CUX1: variants seen among roughly 807,000 people sequenced by gnomAD.
The protein encoded by CUX1 is cut like homeobox 1.
CUX1 carries 31 observed loss-of-function variants against 158.8 expected under a neutral mutation model. That is an observed-to-expected ratio of 0.20 (90% confidence interval 0.15 to 0.26). The LOEUF (loss-of-function observed/expected upper bound fraction) is 0.26. Among genes scored for constraint, CUX1 ranks in the 10% least tolerant of loss-of-function variants. The probability of loss-of-function intolerance (pLI) is 1.00; values close to 1 mark genes in which losing one functional copy is unlikely to be tolerated. For missense variants in CUX1, 1,589 were observed against 2,014.6 expected (o/e 0.79, Z 4.04); for synonymous variants, 879 against 862.1 (o/e 1.02, Z -0.34).
intron 2 of CUX1, among the ~76,000 whole-genome samples, chr7:101,930,315 A>C (rs1806146753): frequency 6.6e-6 from 1 of 152,200 alleles, no homozygotes; most frequent in African/African-American, 2.4e-5. Flanking sequence ...TTATAGCCTA[A>C]AATTTGCCAT....
intron 2 of CUX1, among the ~76,000 whole-genome samples, chr7:101,982,422 T>G (rs990295048): frequency 1.3e-5 from 2 of 152,042 alleles, no homozygotes; most frequent in Non-Finnish European, 2.9e-5. Flanking sequence ...TTTCTTTTTT[T>G]TTTCTTTTTT....
At chr7:102,013,754 G>C (rs1467293030) in intron 2 of CUX1, among the ~76,000 whole-genome samples, 3 of 152,030 alleles carry the variant, frequency 2.0e-5, no homozygotes, top group Non-Finnish European at 4.4e-5. Flanking sequence ...TCCCAGGCTG[G>C]AGTGCAGTGG....
chr7:102,233,162 G>T (rs1799171483), intron 21 of CUX1, among the ~76,000 whole-genome samples: 1 of 150,272 alleles, frequency 6.7e-6, no homozygotes, highest in Admixed American at 6.7e-5. Flanking sequence ...CACATACAAA[G>T]CCTGAAGGCT....
intron 5 of CUX1, among the ~76,000 whole-genome samples, chr7:102,099,383 G>A (rs1554485535): frequency 1.3e-5 from 2 of 152,078 alleles, no homozygotes; most frequent in Non-Finnish European, 2.9e-5. Flanking sequence ...AGCATTTCTT[G>A]CCAGAATCAC....
intron 2 of CUX1, among the ~76,000 whole-genome samples, chr7:101,954,611 C>T (rs144158218): frequency 3.4e-4 from 52 of 151,844 alleles, no homozygotes; most frequent in Non-Finnish European, 4.4e-5. Flanking sequence ...GAGTTTGAGA[C>T]CAGCCAGAGC....
At chr7:102,156,876 A>G (rs1367608256) in intron 8 of CUX1, among the ~76,000 whole-genome samples, 1 of 152,210 alleles carries the variant, frequency 6.6e-6, no homozygotes, top group African/African-American at 2.4e-5. Context: ...ATGGCCCAGC[A>G]TTCAGAGAGA....
intron 1 of CUX1, among the ~76,000 whole-genome samples, chr7:101,839,799 T>C (rs1795023656): frequency 6.6e-6 from 1 of 152,234 alleles, no homozygotes; most frequent in African/African-American, 2.4e-5. Flanking sequence ...TTTGCTCTTG[T>C]TGCCCAGGCT....
chr7:102,074,428 C>T (rs1381720443), intron 4 of CUX1, among the ~76,000 whole-genome samples: 1 of 152,218 alleles, frequency 6.6e-6, no homozygotes, highest in East Asian at 1.9e-4. Flanking sequence ...CTGACCGCAC[C>T]AGCTCCCACC....
intron 2 of CUX1, among the ~76,000 whole-genome samples, chr7:101,941,137 G>T (rs1460592340): frequency 6.6e-6 from 1 of 152,214 alleles, no homozygotes; most frequent in African/African-American, 2.4e-5. Flanking sequence ...GCAGCCAGCC[G>T]GGCAGCCTGT....
At chr7:102,015,061 A>G (rs1165668592) in intron 2 of CUX1, among the ~76,000 whole-genome samples, 1 of 152,148 alleles carries the variant, frequency 6.6e-6, no homozygotes, top group Non-Finnish European at 1.5e-5. Context: ...GTAAATATTA[A>G]TAAACAATAT....
intron 11 of CUX1, among the ~76,000 whole-genome samples, chr7:102,181,473 A>G (rs1293017934): frequency 6.6e-6 from 1 of 152,166 alleles, no homozygotes; most frequent in Non-Finnish European, 1.5e-5. Flanking sequence ...CACATTTTTT[A>G]TTATAGAGCA....
intron 9 of CUX1, among the ~76,000 whole-genome samples, chr7:102,168,908 C>CTT (rs1563341626): frequency 2.9e-4 from 35 of 121,976 alleles, no homozygotes; most frequent in South Asian, 7.6e-4. Flanking sequence ...CTTTTCTTTT[C>CTT]TTTTATTTTC....
intron 6 of CUX1, among the ~76,000 whole-genome samples, chr7:102,108,190 A>G (rs1830562381): frequency 6.6e-6 from 1 of 152,254 alleles, no homozygotes; most frequent in African/African-American, 2.4e-5. Context: ...GAGAATTCAT[A>G]GTAACATGAG....
At chr7:102,030,473 G>A (rs1265808542) in intron 3 of CUX1, among the ~76,000 whole-genome samples, 1 of 151,942 alleles carries the variant, frequency 6.6e-6, no homozygotes, top group Non-Finnish European at 1.5e-5. Context: ...CGAAGTTAAG[G>A]AATTATTAGC....
In CUX1 at chr7:102,234,241, G is replaced by GT; in HGVS notation, c.3622+2dup. 1 of 1,535,640 alleles carries GT rather than the reference G, an allele frequency of 6.5e-7. No homozygotes were observed. The highest frequency in any genetic ancestry group is 8.8e-7 in the Non-Finnish European group (1 of 1,140,684). ...GACATGAAACGGATGGAGAAGAAAGGTAAGTCTCCCTGCCCCGCCCGGGCC... is the reference window on the plus strand; with the variant it reads ...GACATGAAACGGATGGAGAAGAAAGGTTAAGTCTCCCTGCCCCGCCCGGGCC... On this transcript the variant is annotated splice_donor_variant, in intron 22 of 23. Transcript: ENST00000292535. LOFTEE classifies it high-confidence loss of function.
chr7:102,015,425 A>C (rs1202531755), intron 2 of CUX1, among the ~76,000 whole-genome samples: 1 of 152,016 alleles, frequency 6.6e-6, no homozygotes, highest in Admixed American at 6.6e-5. Context: ...ACGGGGTTTC[A>C]CTGTGTTGGC....
chr7:101,848,914 T>C (rs1199766702), intron 1 of CUX1, among the ~76,000 whole-genome samples: 17 of 4,158 alleles, frequency 4.1e-3, no homozygotes, highest in Admixed American at 9.5e-3. Flanking sequence ...GCAAGGCAAT[T>C]TTTTTTTTTT....
chr7:102,160,685 C>CA (rs1354197264), intron 9 of CUX1, among the ~76,000 whole-genome samples: 3 of 151,984 alleles, frequency 2.0e-5, no homozygotes, highest in East Asian at 3.9e-4. Context: ...ACGCCAGTCA[C>CA]AAAAAAAGAC....
chr7:102,207,858 T>G (rs1422515454), intron 20 of CUX1, among the ~76,000 whole-genome samples: 1 of 152,182 alleles, frequency 6.6e-6, no homozygotes, highest in Non-Finnish European at 1.5e-5. Context: ...GATTATCATA[T>G]GGTTTTCCTC....
Sources: gnomAD v4.1 joint callset for allele counts (sites outside exome capture counted in the v4.1 genomes callset) on GRCh38, gnomAD v4.1.1 for gene constraint, MANE v1.5 for transcripts, NCBI Gene and HGNC (gene_info 2026-07-23, HGNC 2026-07-21) for gene names.